RHOA: variants seen among roughly 807,000 people sequenced by gnomAD.
RHOA encodes transforming protein RhoA.
In RHOA, 3 loss-of-function variants were observed where a neutral mutation model predicts 17.5. The observed-to-expected ratio is 0.17, with a 90% CI of 0.08 to 0.44. The LOEUF (loss-of-function observed/expected upper bound fraction) is 0.44, where lower values mean the gene tolerates loss of function less well. Among genes scored for constraint, RHOA ranks in the 20% least tolerant of loss-of-function variants. The probability of loss-of-function intolerance (pLI) is 0.99; values close to 1 mark genes in which losing one functional copy is unlikely to be tolerated. For missense variants in RHOA, 56 were observed against 242.3 expected, an observed-to-expected ratio of 0.23 and a Z score of 5.10; for synonymous variants, 98 against 88.4, an observed-to-expected ratio of 1.11 and a Z score of -0.61.
chr3:49,404,433 A>AACATACACACACACAC (rs1553636258), intron 1 of RHOA, among the ~76,000 whole-genome samples: 3 of 90,768 alleles, frequency 3.3e-5, no homozygotes, highest in Non-Finnish European at 4.1e-5. Flanking sequence ...TCTCTAGTAA[A>AACATACACACACACAC]ACACACACAC....
intron 4 of RHOA, chr3:49,361,200 A>G: frequency 6.0e-6 from 1 of 165,960 alleles, no homozygotes; most frequent in Non-Finnish European, 1.3e-5. Context: ...TGGGAAGTAG[A>G]GGGAAGAGGT....
At chr3:49,378,693 G>A (rs1024421913) in intron 1 of RHOA, among the ~76,000 whole-genome samples, 4 of 152,020 alleles carry the variant, frequency 2.6e-5, no homozygotes, top group Non-Finnish European at 4.4e-5. Context: ...CTGCCTCCCA[G>A]GCTCAACTCA....
chr3:49,402,804 G>A lies in RHOA; in HGVS notation c.-3+9016C>T, dbSNP rs553834232. Among the ~76,000 whole-genome samples the A allele has an allele frequency of 1.9e-3, 284 of 152,188 alleles. 13 individuals are homozygous for A. The South Asian group carries it at 0.056, about 30-fold the overall frequency. On this transcript the variant is annotated intron_variant, in intron 1 of 4. Coordinates refer to ENST00000418115, the MANE Select transcript of RHOA (RefSeq NM_001664.4). ...TGTAATTCCAGCACTTTGGGAGACC[G>A]AGGCAGGAGGATCACAAGGTCAGGC...
At chr3:49,373,543 A>C (rs1188482715) in intron 2 of RHOA, among the ~76,000 whole-genome samples, 1 of 152,236 alleles carries the variant, frequency 6.6e-6, no homozygotes, top group Non-Finnish European at 1.5e-5. Flanking sequence ...AGAGCTGGGC[A>C]CGCTGGCTTG....
At chr3:49,371,234 A>G (rs541231415) in intron 2 of RHOA, among the ~76,000 whole-genome samples, 1 of 150,808 alleles carries the variant, frequency 6.6e-6, no homozygotes, top group South Asian at 2.1e-4. Context: ...TGGTACCATG[A>G]TCACCTACAA....
intron 4 of RHOA, 134 bp downstream of exon 4, chr3:49,362,362 T>C: frequency 1.2e-6 from 1 of 835,630 alleles, no homozygotes; most frequent in Non-Finnish European, 1.8e-6. Context: ...TTAATGAGGG[T>C]CAGAGGGCCA....
At chr3:49,386,100 T>C (rs1247943222) in intron 1 of RHOA, among the ~76,000 whole-genome samples, 1 of 152,176 alleles carries the variant, frequency 6.6e-6, no homozygotes, top group African/African-American at 2.4e-5. Flanking sequence ...AGTTTGTCAA[T>C]TTCTGCAAAA....
At chr3:49,387,777 T>A (rs1295302850) in intron 1 of RHOA, among the ~76,000 whole-genome samples, 1 of 152,022 alleles carries the variant, frequency 6.6e-6, no homozygotes, top group Non-Finnish European at 1.5e-5. Flanking sequence ...CTATTATGTT[T>A]GTTTTCTATG....
intron 1 of RHOA, among the ~76,000 whole-genome samples, chr3:49,398,918 C>T (rs985147073): frequency 7.4e-6 from 1 of 134,656 alleles, no homozygotes; most frequent in African/African-American, 2.8e-5. Context: ...GGCTTTAATA[C>T]TGGTGGCTCA....
intron 2 of RHOA, among the ~76,000 whole-genome samples, chr3:49,370,730 C>A (rs2048135396): frequency 6.6e-6 from 1 of 152,124 alleles, no homozygotes; most frequent in Non-Finnish European, 1.5e-5. Flanking sequence ...CACTGCCCAG[C>A]ACTGCACCCA....
chr3:49,405,290 G>T (rs1425055354), intron 1 of RHOA, among the ~76,000 whole-genome samples: 4 of 149,828 alleles, frequency 2.7e-5, no homozygotes, highest in Non-Finnish European at 4.4e-5. Flanking sequence ...AAATTAGCTG[G>T]GCATGGTGAC....
At position 49,407,189 on chromosome 3, in the gene RHOA, G is replaced by A. The variant is rs112070840; in HGVS notation, c.-3+4631C>T. On this transcript the variant is annotated intron_variant, in intron 1 of 4. Transcript: ENST00000418115. ...CCAATGACTTCAAATAAAATAGGCA[G>A]AAGTCACTAAGTCAAGGAAATTAAT... Among the ~76,000 whole-genome samples the A allele has an allele frequency of 6.2e-5, 9 of 145,954 alleles. 1 individual carries two copies. The highest frequency in any genetic ancestry group is 2.0e-4 in the African/African-American group (8 of 40,024).
In RHOA at chr3:49,359,407, C is replaced by T. The variant is rs1466919986; in HGVS notation, c.*802G>A. ...ACCAATTCCTATTTACTTAGCCCAG[C>T]TCCATGGGGTACTGAGATACATGGG... On this transcript the variant is annotated 3_prime_UTR_variant, in exon 5 of 5. Transcript: ENST00000418115. The T allele has an allele frequency of 1.1e-5, 2 of 188,070 alleles. No individual in the cohort carries two copies. The highest frequency in any genetic ancestry group is 1.7e-4 in the East Asian group (2 of 11,618). 11.7% of individuals were successfully genotyped at this position (188,070 alleles called of 1,614,324 possible). A position where few individuals can be genotyped will look rare whatever the true frequency, so the allele number is the denominator to read the frequency against.
chr3:49,361,004 C>A, intron 4 of RHOA: 1 of 248,538 alleles, frequency 4.0e-6, no homozygotes, highest in Non-Finnish European at 8.4e-6. Flanking sequence ...ATCTGGGAGG[C>A]GGAGGTTGCA....
intron 1 of RHOA, among the ~76,000 whole-genome samples, chr3:49,380,652 G>C (rs577848948): frequency 6.7e-6 from 1 of 148,964 alleles, no homozygotes; most frequent in Admixed American, 6.8e-5. Context: ...TCCAGCCTGG[G>C]TGACAGAGAC....
At chr3:49,377,599 AAAG>A (rs1484599551) in intron 1 of RHOA, among the ~76,000 whole-genome samples, 1 of 80,910 alleles carries the variant, frequency 1.2e-5, no homozygotes, top group Non-Finnish European at 2.4e-5. Flanking sequence ...GTCTCTAAAA[AAAG>A]AAGGAAAAGA....
At chr3:49,386,923 GC>G in intron 1 of RHOA, among the ~76,000 whole-genome samples, 1 of 149,512 alleles carries the variant, frequency 6.7e-6, no homozygotes, top group East Asian at 2.0e-4. Context: ...GACCAGTCTG[GC>G]CAACATGGCA....
chr3:49,396,557 A>C (rs1184969449), intron 1 of RHOA, among the ~76,000 whole-genome samples: 2 of 152,068 alleles, frequency 1.3e-5, no homozygotes, highest in East Asian at 3.9e-4. Flanking sequence ...AAATACAAAA[A>C]TTAGCCGGAC....
intron 1 of RHOA, among the ~76,000 whole-genome samples, chr3:49,395,713 C>CA (rs959374876): frequency 1.3e-4 from 19 of 149,570 alleles, no homozygotes; most frequent in Middle Eastern, 3.4e-3. Context: ...ACTCTGTCTC[C>CA]AAAAAAAAAG....
Sources: allele counts gnomAD v4.1 joint callset (sites outside exome capture counted in the v4.1 genomes callset), GRCh38; gene constraint gnomAD v4.1.1; transcripts MANE v1.5; gene names NCBI Gene and HGNC (gene_info 2026-07-23, HGNC 2026-07-21).